The following NEBL variants were observed in gnomAD, a reference collection of about 807,000 sequenced individuals.
The protein encoded by NEBL is LIM and SH3 protein 2.
In NEBL, 122 loss-of-function variants were observed where a neutral mutation model predicts 140.2. That is an observed-to-expected ratio of 0.87 (90% CI 0.75 to 1.01). The LOEUF (loss-of-function observed/expected upper bound fraction) is 1.01. Among genes scored for constraint, NEBL ranks in the 50% least tolerant of loss-of-function variants. The pLI is 0.00. For synonymous variants in NEBL, 436 were observed against 398.9 expected, an observed-to-expected ratio of 1.09 and a Z score of -1.11; for missense variants, 1,365 against 1,231.3, an observed-to-expected ratio of 1.11 and a Z score of -1.62.
chr10:20,979,802 G>A (rs1210141011), intron 3 of NEBL, among the ~76,000 whole-genome samples: 1 of 152,078 alleles, frequency 6.6e-6, no homozygotes, highest in African/African-American at 2.4e-5. Context: ...TAACTCTTGT[G>A]CTCAAGCAAT....
intron 2 of NEBL, among the ~76,000 whole-genome samples, chr10:21,066,270 G>T (rs1466273079): frequency 6.6e-6 from 1 of 152,052 alleles, no homozygotes. Context: ...CATAGGATAG[G>T]AATGTTGCAG....
chr10:21,216,790 G>GA (rs1841998469), intron 3 of NEBL, among the ~76,000 whole-genome samples: 1 of 146,426 alleles, frequency 6.8e-6, no homozygotes, highest in Admixed American at 6.9e-5. Context: ...AAAAGAAAAA[G>GA]AAAAAAGAAA....
intron 2 of NEBL, among the ~76,000 whole-genome samples, chr10:21,138,208 C>T (rs992205938): frequency 6.6e-6 from 1 of 152,154 alleles, no homozygotes; most frequent in Non-Finnish European, 1.5e-5. Flanking sequence ...ACTGTCCCAA[C>T]TCACCGTAAA....
intron 2 of NEBL, among the ~76,000 whole-genome samples, chr10:21,165,049 G>A (rs1840705835): frequency 6.6e-6 from 1 of 152,160 alleles, no homozygotes; most frequent in Admixed American, 6.5e-5. Flanking sequence ...GGAGAAATAG[G>A]AGACAACAAT....
intron 1 of NEBL, among the ~76,000 whole-genome samples, chr10:21,272,118 A>ATTTTTTTTT (rs10678454): frequency 0.014 from 1,125 of 79,074 alleles, 110 homozygotes; most frequent in African/African-American, 0.054. Flanking sequence ...CACTTGGTTA[A>ATTTTTTTTT]TTTTTTTTTT....
intron 3 of NEBL, among the ~76,000 whole-genome samples, chr10:21,232,018 C>T (rs1408816295): frequency 6.6e-6 from 1 of 152,108 alleles, no homozygotes; most frequent in Non-Finnish European, 1.5e-5. Context: ...CTCTTCATGA[C>T]AATATGATAT....
intron 4 of NEBL, among the ~76,000 whole-genome samples, chr10:20,927,506 T>C (rs1307014150): frequency 1.3e-5 from 2 of 152,208 alleles, no homozygotes; most frequent in African/African-American, 4.8e-5. Context: ...AGGAGATCCC[T>C]AACTATAAAC....
chr10:21,153,502 T>C (rs1840221726), intron 2 of NEBL, among the ~76,000 whole-genome samples: 1 of 151,108 alleles, frequency 6.6e-6, no homozygotes, highest in African/African-American at 2.4e-5. Flanking sequence ...GCTAATTTTT[T>C]ATATATATTA....
chr10:21,160,231 A>T (rs1432805781), intron 2 of NEBL, among the ~76,000 whole-genome samples: 1 of 152,052 alleles, frequency 6.6e-6, no homozygotes, highest in African/African-American at 2.4e-5. Context: ...ACGTCTGCCA[A>T]ACTGCCATTC....
rs367574627 is a variant in NEBL, at chr10:20,825,836, C to T, written c.1869+611G>A. ...TTCCAACAGAAGAGGACCCCTCCCC[C>T]CAGTCTAAAGGTTACTGGAAGCTAA... On this transcript the variant is annotated intron_variant, in intron 18 of 27. Transcript: ENST00000377122. Among the ~76,000 whole-genome samples, 8 of 152,126 alleles carry T rather than the reference C, an allele frequency of 5.3e-5. No individual in the cohort carries two copies. In the East Asian group the frequency reaches 1.3e-3, roughly 26 times the overall value.
In NEBL at chr10:21,168,054, G is replaced by A. The variant is rs149197379; in HGVS notation, c.164+4329C>T. On this transcript the variant is annotated intron_variant, in intron 2 of 6. Transcript: ENST00000417816. ...ATCTAGTGTGTACTATACTTTGATC[G>A]TTCTATCAAAAGATCAAAATTTAAA... is the stretch of plus-strand genomic sequence containing the variant. Among the ~76,000 whole-genome samples the A allele has an allele frequency of 1.6e-3, 245 of 152,096 alleles. 1 individual carries two copies. Among genetic ancestry groups the A allele is most frequent in the African/African-American group, 5.5e-3 (229 of 41,488 alleles).
chr10:21,177,292 T>C (rs1476366437), upstream of NEBL, among the ~76,000 whole-genome samples: 2 of 152,244 alleles, frequency 1.3e-5, no homozygotes, highest in African/African-American at 2.4e-5. Flanking sequence ...CTTTGACTTT[T>C]GTTCAAGAAT....
chr10:21,182,114 T>C (rs555963237), intron 3 of NEBL, among the ~76,000 whole-genome samples: 11 of 151,014 alleles, frequency 7.3e-5, no homozygotes, highest in African/African-American at 2.4e-4. Context: ...TGGATATCAT[T>C]ATAAACTAAA....
upstream of NEBL, chr10:20,897,482 C>T: frequency 1.7e-6 from 2 of 1,178,160 alleles, no homozygotes; most frequent in South Asian, 2.8e-5. Flanking sequence ...AACATTTTTT[C>T]CACTGGTTAA....
At chr10:20,808,375 T>G in intron 26 of NEBL, 135 bp downstream of exon 26, 1 of 954,090 alleles carries the variant, frequency 1.0e-6, no homozygotes, top group Non-Finnish European at 1.6e-6. Flanking sequence ...CTATTAACTT[T>G]CTGAACTTAA....
chr10:21,028,251 A>AGAAGAAGAAGAAGAAGAAG (rs1554819362), intron 2 of NEBL, among the ~76,000 whole-genome samples: 41 of 36,862 alleles, frequency 1.1e-3, no homozygotes, highest in East Asian at 9.2e-3. Flanking sequence ...AAAAAAAAAA[A>AGAAGAAGAAGAAGAAGAAG]AAAAAGAAGA....
intron 4 of NEBL, among the ~76,000 whole-genome samples, chr10:20,934,471 G>A (rs899254044): frequency 5.3e-5 from 8 of 152,096 alleles, no homozygotes; most frequent in African/African-American, 1.4e-4. Flanking sequence ...AAGTGAGTCC[G>A]CAAAACTGAA....
At position 21,116,172 on chromosome 10, in the gene NEBL, A is replaced by G. The variant is rs531654925; in HGVS notation, c.164+56211T>C. 3.3e-5 allele frequency among the ~76,000 whole-genome samples: 5 copies of G among 151,918 alleles called. No homozygotes were observed. The South Asian group carries it at 1.0e-3, about 32-fold the overall frequency. ...ACAATAGTTCTTTTAATGTCCTTGT[A>G]TTAGCTCAGGCTGCTATAACAAAAT... is the stretch of plus-strand genomic sequence containing the variant. On this transcript the variant is annotated intron_variant, in intron 2 of 6. Coordinates refer to the NEBL transcript ENST00000417816.
At chr10:21,222,858 G>T (rs1842090690) in intron 3 of NEBL, among the ~76,000 whole-genome samples, 1 of 152,180 alleles carries the variant, frequency 6.6e-6, no homozygotes, top group South Asian at 2.1e-4. Context: ...TGCCTTCCAG[G>T]TTCAAGTAAT....
Sources: allele counts gnomAD v4.1 joint callset (sites outside exome capture counted in the v4.1 genomes callset), GRCh38; gene constraint gnomAD v4.1.1; transcripts MANE v1.5; gene names NCBI Gene and HGNC (gene_info 2026-07-23, HGNC 2026-07-21).